MINDY4: variants seen among roughly 807,000 people sequenced by gnomAD.
The protein encoded by MINDY4 is probable ubiquitin carboxyl-terminal hydrolase MINDY-4.
A neutral mutation model predicts 87.0 loss-of-function variants in MINDY4; 68 were observed. The observed-to-expected ratio is 0.78, with a 90% CI of 0.64 to 0.96. MINDY4 has a LOEUF of 0.96. MINDY4 is among the 40% of genes least tolerant of loss of function. The probability of loss-of-function intolerance (pLI) is 0.00; values close to 1 mark genes in which losing one functional copy is unlikely to be tolerated. For synonymous variants in MINDY4, 379 were observed against 363.2 expected, an observed-to-expected ratio of 1.04 and a Z score of -0.50; for missense variants, 919 against 928.2, an observed-to-expected ratio of 0.99 and a Z score of 0.13.
chr7:30,818,636 T>C (rs566688845), intron 5 of MINDY4, among the ~76,000 whole-genome samples: 145 of 152,234 alleles, frequency 9.5e-4, no homozygotes, highest in African/African-American at 3.3e-3. Context: ...AGAGTCCGAG[T>C]GTACTCTATT....
At chr7:30,854,761 G>A (rs1789521398) in intron 12 of MINDY4, among the ~76,000 whole-genome samples, 1 of 152,184 alleles carries the variant, frequency 6.6e-6, no homozygotes, top group Non-Finnish European at 1.5e-5. Context: ...ACAGCCCTGG[G>A]AAATGATCAG....
At chr7:30,865,750 A>G (rs1450248541) in intron 13 of MINDY4, among the ~76,000 whole-genome samples, 4 of 152,102 alleles carry the variant, frequency 2.6e-5, no homozygotes, top group African/African-American at 9.7e-5. Flanking sequence ...CCCTTTTCTC[A>G]TTTACAGGTG....
At chr7:30,849,006 G>A (rs1789315778) in intron 9 of MINDY4, among the ~76,000 whole-genome samples, 1 of 152,206 alleles carries the variant, frequency 6.6e-6, no homozygotes, top group African/African-American at 2.4e-5. Context: ...CGAGGGAGGT[G>A]CAGTGGTCAT....
intron 5 of MINDY4, among the ~76,000 whole-genome samples, chr7:30,801,353 C>G (rs1787644364): frequency 6.6e-6 from 1 of 152,202 alleles, no homozygotes; most frequent in African/African-American, 2.4e-5. Context: ...ATACCTATTT[C>G]CTTTCCAGCA....
intron 6 of MINDY4, 51 bp from the exon 7 acceptor site, chr7:30,836,607 G>A (rs1788865167): frequency 1.4e-6 from 2 of 1,438,714 alleles, no homozygotes; most frequent in Admixed American, 1.7e-5. Flanking sequence ...TTCATGTTCT[G>A]TTCTCCGTGA....
chr7:30,870,684 G>C (rs949867921), intron 13 of MINDY4, among the ~76,000 whole-genome samples: 1 of 152,238 alleles, frequency 6.6e-6, no homozygotes, highest in African/African-American at 2.4e-5. Context: ...CAGAGACTCA[G>C]GCATGTATTT....
At chr7:30,854,295 C>T (rs79483141) in intron 12 of MINDY4, among the ~76,000 whole-genome samples, 3,863 of 152,266 alleles carry the variant, frequency 0.025, 105 homozygotes, top group East Asian at 0.11. Flanking sequence ...CAGAGCATCG[C>T]GCAGAGAGCC....
At chr7:30,838,649 A>G (rs1387679442) in intron 7 of MINDY4, among the ~76,000 whole-genome samples, 2 of 152,150 alleles carry the variant, frequency 1.3e-5, no homozygotes, top group African/African-American at 2.4e-5. Flanking sequence ...CCTGTGGGTC[A>G]CAGTTTAGTA....
chr7:30,862,660 C>T (rs1476368617), intron 13 of MINDY4, among the ~76,000 whole-genome samples: 1 of 152,236 alleles, frequency 6.6e-6, no homozygotes, highest in African/African-American at 2.4e-5. Context: ...ATGTCACCCA[C>T]CTCAGGCTCC....
intron 17 of MINDY4, among the ~76,000 whole-genome samples, chr7:30,883,784 C>T (rs1001237269): frequency 2.6e-5 from 4 of 152,148 alleles, no homozygotes; most frequent in African/African-American, 9.7e-5. Context: ...ATCCTGGTCC[C>T]TTCTGGGGGA....
intron 7 of MINDY4, 34 bp from the exon 8 acceptor site, chr7:30,839,166 A>T: frequency 6.9e-7 from 1 of 1,455,102 alleles, no homozygotes; most frequent in Non-Finnish European, 9.5e-7. Context: ...CTTGCTTTTA[A>T]AACAACCAGT....
intron 12 of MINDY4, among the ~76,000 whole-genome samples, chr7:30,854,608 CT>C (rs1789517122): frequency 6.6e-6 from 1 of 152,158 alleles, no homozygotes; most frequent in Admixed American, 6.5e-5. Context: ...GGGATCCATT[CT>C]TTTTGGCCCC....
chr7:30,882,214 A>C lies in MINDY4; in HGVS notation c.2005A>C (p.Ile669Leu), dbSNP rs773110971. The change falls in exon 16 of 18, where the codon ATC (isoleucine) becomes CTC (leucine). Residue 669 changes from isoleucine to leucine, a missense_variant. Ile to Leu is a conservative substitution (Grantham distance 5). Coordinates refer to ENST00000265299, the MANE Select transcript of MINDY4 (RefSeq NM_032222.3). ...GCFLKTPRFP[I>L]WVVCSESHFS... ...CTTCCTGAAGACCCCGAGGTTCCCCATCTGGGTGGTTTGCAGTGAGAGCCA... is the reference window on the plus strand; with the variant it reads ...CTTCCTGAAGACCCCGAGGTTCCCCCTCTGGGTGGTTTGCAGTGAGAGCCA... The C allele has an allele frequency of 1.4e-5, 22 of 1,612,794 alleles. 2 individuals are homozygous for C. The South Asian group carries it at 2.2e-4, about 16-fold the overall frequency.
chr7:30,885,723 G>T (rs1322563848), intron 17 of MINDY4, among the ~76,000 whole-genome samples: 1 of 91,576 alleles, frequency 1.1e-5, no homozygotes, highest in Non-Finnish European at 2.0e-5. Flanking sequence ...CCCCAACCCT[G>T]CTGCCTTGTG....
chr7:30,855,818 T>C (rs1206313671), intron 12 of MINDY4, among the ~76,000 whole-genome samples: 6 of 152,244 alleles, frequency 3.9e-5, no homozygotes, highest in Non-Finnish European at 2.9e-5. Context: ...GCTTTGGTCC[T>C]TGGTACAGGC....
intron 17 of MINDY4, among the ~76,000 whole-genome samples, chr7:30,888,784 C>T (rs912573572): frequency 2.0e-5 from 3 of 152,216 alleles, no homozygotes; most frequent in African/African-American, 7.2e-5. Flanking sequence ...AGTACTCTCC[C>T]TGCATTTGCC....
chr7:30,852,004 T>C (rs969365648), intron 10 of MINDY4, among the ~76,000 whole-genome samples: 1 of 152,186 alleles, frequency 6.6e-6, no homozygotes, highest in Admixed American at 6.5e-5. Flanking sequence ...CATTTCTTTT[T>C]TTTTTCTTTT....
chr7:30,846,774 G>A (rs1789233640), intron 9 of MINDY4, among the ~76,000 whole-genome samples: 1 of 151,020 alleles, frequency 6.6e-6, no homozygotes, highest in Non-Finnish European at 1.5e-5. Flanking sequence ...GTGGGGGTGG[G>A]ATGGTTTCGG....
intron 9 of MINDY4, among the ~76,000 whole-genome samples, chr7:30,845,936 G>A (rs889405704): frequency 2.0e-5 from 3 of 152,212 alleles, no homozygotes; most frequent in African/African-American, 7.2e-5. Context: ...TTGAGAAGAG[G>A]CTGTGCCGGC....
Sources: allele counts gnomAD v4.1 joint callset (sites outside exome capture counted in the v4.1 genomes callset), GRCh38; gene constraint gnomAD v4.1.1; transcripts MANE v1.5; gene names NCBI Gene and HGNC (gene_info 2026-07-23, HGNC 2026-07-21).